Variants in PGLYRP1 observed in about 807,000 individuals in gnomAD.
PGLYRP1 encodes the protein peptidoglycan recognition protein 1.
A neutral mutation model predicts 16.3 loss-of-function variants in PGLYRP1; 18 were observed. That is an observed-to-expected ratio of 1.11 (90% CI 0.77 to 1.64). The LOEUF is 1.64. Among genes scored for constraint, PGLYRP1 ranks in the 40% most tolerant of loss-of-function variants. The probability of loss-of-function intolerance (pLI) is 0.00; values close to 1 mark genes in which losing one functional copy is unlikely to be tolerated. For missense variants in PGLYRP1, 261 were observed against 268.6 expected, an observed-to-expected ratio of 0.97 and a Z score of 0.20; for synonymous variants, 89 against 105.7, an observed-to-expected ratio of 0.84 and a Z score of 0.97.
chr19:46,019,727 T>A lies in PGLYRP1; in HGVS notation c.288-80A>T. On this transcript the variant is annotated intron_variant, in intron 1 of 2. Coordinates refer to ENST00000008938, the MANE Select transcript of PGLYRP1 (RefSeq NM_005091.3). This position sits in a 1 kb window ranked among gnomAD's most constrained non-coding sequence, Gnocchi z 4.8. ...CTCCTCCTCCTTCCTCCACTCACCCTGCCTCCGTTACTGCCGTGGTGCACA... is the reference window on the plus strand; with the variant it reads ...CTCCTCCTCCTTCCTCCACTCACCCAGCCTCCGTTACTGCCGTGGTGCACA... The A allele has an allele frequency of 2.1e-6, 3 of 1,462,514 alleles. No individual in the cohort carries two copies. In the South Asian group the frequency reaches 3.8e-5, roughly 18 times the overall value. The allele number at this position is 1,462,514 out of a possible 1,614,324, so 90.6% of individuals were successfully genotyped here. A position where few individuals can be genotyped will look rare whatever the true frequency, so the allele number is the denominator to read the frequency against.
chr19:46,021,410 A>G (rs1969042773), intron 1 of PGLYRP1: 1 of 152,218 alleles, frequency 6.6e-6, no homozygotes, highest in South Asian at 2.1e-4. Context: ...AGGTCCTGAG[A>G]ACATGTGTCC....
intron 1 of PGLYRP1, among the ~76,000 whole-genome samples, chr19:46,020,451 C>G (rs1198372953): frequency 6.6e-6 from 1 of 152,122 alleles, no homozygotes; most frequent in Non-Finnish European, 1.5e-5. Flanking sequence ...GCAGAGAGAG[C>G]AGAGACTCAG....
chr19:46,021,744 A>G (rs1199479604), intron 1 of PGLYRP1, among the ~76,000 whole-genome samples: 1 of 152,092 alleles, frequency 6.6e-6, no homozygotes, highest in Non-Finnish European at 1.5e-5. Context: ...TCTCGGAGTA[A>G]AAGCTACAGT....
chr19:46,020,711 A>G lies in PGLYRP1; in HGVS notation c.288-1064T>C, dbSNP rs1969035964. Among the ~76,000 whole-genome samples, 5 of 152,224 alleles carry G rather than the reference A, an allele frequency of 3.3e-5. No homozygotes were observed. The South Asian group carries it at 1.0e-3, about 32-fold the overall frequency. On this transcript the variant is annotated intron_variant, in intron 1 of 2. Coordinates refer to ENST00000008938, the MANE Select transcript of PGLYRP1 (RefSeq NM_005091.3). ...GAGCGTGTCTGACTTGGCAAATGGGAATGAACTAGAAGATCAGTGCCTTGG... is the reference window on the plus strand; with the variant it reads ...GAGCGTGTCTGACTTGGCAAATGGGGATGAACTAGAAGATCAGTGCCTTGG...
At chr19:46,020,685 T>A (rs1600660268) in intron 1 of PGLYRP1, among the ~76,000 whole-genome samples, 1 of 152,216 alleles carries the variant, frequency 6.6e-6, no homozygotes, top group East Asian at 1.9e-4. Context: ...CACATCTGAT[T>A]GAGCGTGTCT....
At position 46,019,726 on chromosome 19, in the gene PGLYRP1, C is replaced by T; in HGVS notation, c.288-79G>A. 1 of 1,472,690 alleles carries T rather than the reference C, an allele frequency of 6.8e-7. No homozygotes were observed. The highest frequency in any genetic ancestry group is 9.2e-7 in the Non-Finnish European group (1 of 1,090,756). 91.2% of individuals were successfully genotyped at this position (1,472,690 alleles called of 1,614,324 possible). Reference sequence around the variant, plus strand: ...ACTCCTCCTCCTTCCTCCACTCACCCTGCCTCCGTTACTGCCGTGGTGCAC... The same window carrying T: ...ACTCCTCCTCCTTCCTCCACTCACCTTGCCTCCGTTACTGCCGTGGTGCAC... On this transcript the variant is annotated intron_variant, in intron 1 of 2. Transcript: ENST00000008938. The surrounding 1 kb of genome is among the most constrained non-coding windows in gnomAD (Gnocchi z 4.8).
intron 1 of PGLYRP1, among the ~76,000 whole-genome samples, chr19:46,020,178 A>G (rs1969029541): frequency 6.8e-6 from 1 of 146,628 alleles, no homozygotes; most frequent in Non-Finnish European, 1.5e-5. Flanking sequence ...GCGTGATCTC[A>G]GCTCACCGCA....
Position 46,023,014 on chromosome 19 carries a change from C to A in PGLYRP1, c.8G>T (p.Arg3Leu). The A allele has an allele frequency of 6.5e-7, 1 of 1,548,164 alleles. No homozygotes were observed. Among genetic ancestry groups the A allele is most frequent in the Non-Finnish European group, 8.7e-7 (1 of 1,146,182 alleles). ...AGCCCAGGCAAGCAGCATAGAGCGG[C>A]GGGACATAGTGGCAGGGCGGCAGGG... MS[R>L]RSMLLAWALP... Residue 3 changes from arginine to leucine, a missense_variant, in exon 1 of 3, where the codon CGC becomes CTC. By Grantham distance (102) the Arg-to-Leu change is moderately radical. Transcript: ENST00000008938.
chr19:46,020,231 C>T (rs1374530181), intron 1 of PGLYRP1, among the ~76,000 whole-genome samples: 1 of 151,848 alleles, frequency 6.6e-6, no homozygotes, highest in Non-Finnish European at 1.5e-5. Context: ...GCCTCAGCCT[C>T]CTGAGTACCT....
chr19:46,021,628 C>T (rs1457488993), intron 1 of PGLYRP1, among the ~76,000 whole-genome samples: 2 of 152,074 alleles, frequency 1.3e-5, no homozygotes, highest in Non-Finnish European at 2.9e-5. Flanking sequence ...CTGCTTCAGC[C>T]GGCACCCCTT....
chr19:46,021,739 G>C (rs904046533), intron 1 of PGLYRP1, among the ~76,000 whole-genome samples: 3 of 152,166 alleles, frequency 2.0e-5, no homozygotes, highest in African/African-American at 7.2e-5. Flanking sequence ...TCCCATCTCG[G>C]AGTAAAAGCT....
At chr19:46,021,813 C>G (rs1157450511) in intron 1 of PGLYRP1, among the ~76,000 whole-genome samples, 1 of 152,176 alleles carries the variant, frequency 6.6e-6, no homozygotes, top group Non-Finnish European at 1.5e-5. Flanking sequence ...TCATTCCGCT[C>G]GCCCGGCTGT....
Position 46,019,763 on chromosome 19 carries a change from A to G in PGLYRP1, c.288-116T>C. On this transcript the variant is annotated intron_variant, in intron 1 of 2. Transcript: ENST00000008938. The surrounding 1 kb of genome is among the most constrained non-coding windows in gnomAD (Gnocchi z 4.8). ...CTGCCGTGGTGCACACAACTTCCCC[A>G]GCATCCTTCTCACCCGTTAATTTCC... The G allele has an allele frequency of 1.9e-6, 2 of 1,067,406 alleles. No individual in the cohort carries two copies. Among genetic ancestry groups the G allele is most frequent in the Non-Finnish European group, 2.7e-6 (2 of 750,804 alleles). 66.1% of individuals were successfully genotyped at this position (1,067,406 alleles called of 1,614,324 possible).
At chr19:46,020,992 G>A (rs1439651945) in intron 1 of PGLYRP1, 1 of 152,428 alleles carries the variant, frequency 6.6e-6, no homozygotes, top group Non-Finnish European at 1.5e-5. Flanking sequence ...GGGGTGGTTG[G>A]TTCTCCCTGG....
At position 46,019,762 on chromosome 19, in the gene PGLYRP1, C is replaced by T. The variant is rs1489250977; in HGVS notation, c.288-115G>A. 3 of 1,065,090 alleles carry T rather than the reference C, an allele frequency of 2.8e-6. No individual in the cohort carries two copies. Among genetic ancestry groups the T allele is most frequent in the Non-Finnish European group, 4.0e-6 (3 of 748,888 alleles). The allele number at this position is 1,065,090 out of a possible 1,614,324, so 66.0% of individuals were successfully genotyped here. A position where few individuals can be genotyped will look rare whatever the true frequency, so the allele number is the denominator to read the frequency against. ...ACTGCCGTGGTGCACACAACTTCCC[C>T]AGCATCCTTCTCACCCGTTAATTTC... On this transcript the variant is annotated intron_variant, in intron 1 of 2. Coordinates refer to ENST00000008938, the MANE Select transcript of PGLYRP1 (RefSeq NM_005091.3). This position sits in a 1 kb window ranked among gnomAD's most constrained non-coding sequence, Gnocchi z 4.8.
At chr19:46,021,631 C>A (rs1969044987) in intron 1 of PGLYRP1, among the ~76,000 whole-genome samples, 1 of 152,150 alleles carries the variant, frequency 6.6e-6, no homozygotes, top group Non-Finnish European at 1.5e-5. Flanking sequence ...CTTCAGCCGG[C>A]ACCCCTTACA....
intron 1 of PGLYRP1, among the ~76,000 whole-genome samples, chr19:46,021,511 G>A (rs1278683857): frequency 2.6e-5 from 4 of 152,152 alleles, no homozygotes; most frequent in Non-Finnish European, 5.9e-5. Context: ...CTGGGTCTGA[G>A]AGCCTGCAGG....
chr19:46,020,679 T>A (rs1969035760), intron 1 of PGLYRP1, among the ~76,000 whole-genome samples: 2 of 152,184 alleles, frequency 1.3e-5, no homozygotes, highest in African/African-American at 4.8e-5. Flanking sequence ...ATTCAGCACA[T>A]CTGATTGAGC....
At chr19:46,020,599 C>T (rs1426644837) in intron 1 of PGLYRP1, among the ~76,000 whole-genome samples, 9 of 152,118 alleles carry the variant, frequency 5.9e-5, no homozygotes, top group East Asian at 1.9e-4. Flanking sequence ...AACCAGATAC[C>T]GACCCTGGAG....
Sources: gnomAD v4.1 joint callset for allele counts (sites outside exome capture counted in the v4.1 genomes callset) on GRCh38, gnomAD v4.1.1 for gene constraint, Gnocchi (gnomAD v3.1) non-coding constraint, MANE v1.5 for transcripts, NCBI Gene and HGNC (gene_info 2026-07-23, HGNC 2026-07-21) for gene names.